Variants in MSRA observed in about 807,000 individuals in gnomAD.
MSRA encodes the protein mitochondrial peptide methionine sulfoxide reductase.
In MSRA, 54 loss-of-function variants were observed where a neutral mutation model predicts 31.3. That is an observed-to-expected ratio of 1.73 (90% CI 1.39 to 2.17). MSRA has a LOEUF of 2.17. Among genes scored for constraint, MSRA ranks in the 30% most tolerant of loss-of-function variants. The probability of loss-of-function intolerance (pLI) is 0.00; values close to 1 mark genes in which losing one functional copy is unlikely to be tolerated. For missense variants in MSRA, 507 were observed against 300.9 expected, an observed-to-expected ratio of 1.69 and a Z score of -5.07; for synonymous variants, 169 against 116.5, an observed-to-expected ratio of 1.45 and a Z score of -2.90.
At chr8:10,065,851 C>T (rs968301288) in intron 1 of MSRA, among the ~76,000 whole-genome samples, 8 of 152,052 alleles carry the variant, frequency 5.3e-5, no homozygotes, top group Non-Finnish European at 1.0e-4. Context: ...TGCTATCAGC[C>T]TCTGGTTTCT....
intron 2 of MSRA, among the ~76,000 whole-genome samples, chr8:10,212,491 T>C (rs1809589061): frequency 6.6e-6 from 1 of 152,222 alleles, no homozygotes; most frequent in African/African-American, 2.4e-5. Flanking sequence ...TTGGATTGTA[T>C]ATAATGTCAC....
At chr8:10,218,564 A>G (rs1182683466) in intron 2 of MSRA, among the ~76,000 whole-genome samples, 1 of 152,214 alleles carries the variant, frequency 6.6e-6, no homozygotes, top group African/African-American at 2.4e-5. Context: ...GTGAGCTGAA[A>G]TATTTCTATA....
At position 10,054,422 on chromosome 8, in the gene MSRA, G is replaced by T. The variant is rs573347629; in HGVS notation, c.-95G>T. On this transcript the variant is annotated 5_prime_UTR_variant, in exon 1 of 6. Transcript: ENST00000317173. ...CCGCCCGCGCCCCTGCCGCCCCCCG[G>T]TTCCGGCCGCGGACCCCACTCTCTG... 7.6e-6 allele frequency: 7 copies of T among 918,156 alleles called. No homozygotes were observed. The highest frequency in any genetic ancestry group is 8.5e-6 in the Non-Finnish European group (6 of 705,480). The allele number at this position is 918,156 out of a possible 1,614,324, so 56.9% of individuals were successfully genotyped here. A position where few individuals can be genotyped will look rare whatever the true frequency, so the allele number is the denominator to read the frequency against.
At chr8:10,071,651 A>G (rs117927296) in intron 1 of MSRA, among the ~76,000 whole-genome samples, 3,319 of 151,926 alleles carry the variant, frequency 0.022, 42 homozygotes, top group African/African-American at 0.026. Flanking sequence ...TACATTTTAT[A>G]TTTAAGTCTG....
At chr8:10,297,547 G>T (rs1019506917) in intron 3 of MSRA, among the ~76,000 whole-genome samples, 4 of 152,154 alleles carry the variant, frequency 2.6e-5, no homozygotes, top group Non-Finnish European at 5.9e-5. Flanking sequence ...TAGCACGTTG[G>T]CTGGTTCCTG....
chr8:10,138,875 C>T (rs971223400), intron 1 of MSRA, among the ~76,000 whole-genome samples: 1 of 152,112 alleles, frequency 6.6e-6, no homozygotes, highest in African/African-American at 2.4e-5. Context: ...GCAGCAGCAG[C>T]AGCAAGACTC....
intron 1 of MSRA, among the ~76,000 whole-genome samples, chr8:10,075,115 T>A (rs1797938561): frequency 6.6e-6 from 1 of 152,238 alleles, no homozygotes; most frequent in Non-Finnish European, 1.5e-5. Context: ...TGTCTTTTTA[T>A]TTAAGTTTAT....
intron 3 of MSRA, among the ~76,000 whole-genome samples, chr8:10,300,707 A>G (rs565173418): frequency 6.6e-6 from 1 of 152,318 alleles, no homozygotes; most frequent in East Asian, 1.9e-4. Context: ...ACTACACATA[A>G]GGTGACTGAA....
At position 10,337,724 on chromosome 8, in the gene MSRA, T is replaced by A. The variant is rs922472464; in HGVS notation, c.543+17735T>A. ...CTCTCGGCAGCTGGTGCTTCCCTGT[T>A]CTTCCTCAGCCATGCTGGGGCTCAC... On this transcript the variant is annotated intron_variant, in intron 5 of 5. Coordinates refer to ENST00000317173, the MANE Select transcript of MSRA (RefSeq NM_012331.5). 4 of 702,530 alleles carry A rather than the reference T, an allele frequency of 5.7e-6. No individual in the cohort carries two copies. The Admixed American group carries it at 6.0e-5, about 11-fold the overall frequency. The allele number at this position is 702,530 out of a possible 1,614,324, so 43.5% of individuals were successfully genotyped here.
intron 1 of MSRA, among the ~76,000 whole-genome samples, chr8:10,058,451 T>G (rs886935292): frequency 6.6e-6 from 1 of 152,204 alleles, no homozygotes; most frequent in Non-Finnish European, 1.5e-5. Flanking sequence ...TAGGAAAATA[T>G]AAGTAATCCA....
chr8:10,242,222 G>A (rs1797367615), intron 2 of MSRA, among the ~76,000 whole-genome samples: 1 of 150,846 alleles, frequency 6.6e-6, no homozygotes, highest in African/African-American at 2.4e-5. Flanking sequence ...AGTGAGCCGA[G>A]ATTGCGCCAC....
intron 4 of MSRA, among the ~76,000 whole-genome samples, chr8:10,307,364 G>C (rs908936947): frequency 1.3e-5 from 2 of 151,836 alleles, no homozygotes; most frequent in African/African-American, 2.4e-5. Flanking sequence ...GATGGATTTC[G>C]CCATGTTGCT....
intron 1 of MSRA, among the ~76,000 whole-genome samples, chr8:10,111,251 C>G (rs1463228278): frequency 6.6e-6 from 1 of 152,140 alleles, no homozygotes; most frequent in Non-Finnish European, 1.5e-5. Flanking sequence ...AAACAGGGTG[C>G]TGGATGACAA....
chr8:10,272,342 A>G (rs146231948), intron 3 of MSRA, among the ~76,000 whole-genome samples: 8 of 152,324 alleles, frequency 5.3e-5, no homozygotes, highest in Non-Finnish European at 1.0e-4. Context: ...AGCTGATGGC[A>G]TAGTTCCAGT....
At chr8:10,418,346 A>T (rs1808605018) in intron 5 of MSRA, among the ~76,000 whole-genome samples, 1 of 152,036 alleles carries the variant, frequency 6.6e-6, no homozygotes. Context: ...AAGGGCCTTC[A>T]AACTGTGATG....
chr8:10,192,671 C>G lies in MSRA; in HGVS notation c.143-15162C>G, dbSNP rs1807614207. On this transcript the variant is annotated intron_variant, in intron 1 of 5. Transcript: ENST00000317173. ...GGGAAATGTATTCTTTTCCCCTATC[C>G]TAGCTTGCAACCAGCTTGACCAGTA... Among the ~76,000 whole-genome samples the G allele has an allele frequency of 1.3e-5, 2 of 152,150 alleles. 1 individual carries two copies. Among genetic ancestry groups the G allele is most frequent in the Non-Finnish European group, 2.9e-5 (2 of 68,026 alleles).
At chr8:10,128,771 C>T (rs948485915) in intron 1 of MSRA, among the ~76,000 whole-genome samples, 2 of 152,210 alleles carry the variant, frequency 1.3e-5, no homozygotes, top group Non-Finnish European at 2.9e-5. Context: ...AACTCTTCAT[C>T]AGAGGTACTC....
intron 3 of MSRA, among the ~76,000 whole-genome samples, chr8:10,283,160 A>ACACACACACACACACACACTCTCTCTCT: frequency 3.6e-5 from 5 of 140,238 alleles, no homozygotes; most frequent in African/African-American, 1.4e-4. Context: ...ACACACACAC[A>ACACACACACACACACACACTCTCTCTCT]CTCTCACCCT....
chr8:10,084,454 C>G (rs1398454065), intron 1 of MSRA, among the ~76,000 whole-genome samples: 1 of 152,234 alleles, frequency 6.6e-6, no homozygotes, highest in Non-Finnish European at 1.5e-5. Flanking sequence ...CAGATCTTAA[C>G]CATGTAAACC....
Sources: allele counts gnomAD v4.1 joint callset (sites outside exome capture counted in the v4.1 genomes callset), GRCh38; gene constraint gnomAD v4.1.1; transcripts MANE v1.5; gene names NCBI Gene and HGNC (gene_info 2026-07-23, HGNC 2026-07-21).